DAB1: variants seen among roughly 807,000 people sequenced by gnomAD.
DAB1 encodes DAB adaptor protein 1, also known as disabled homolog 1.
DAB1 carries 15 observed loss-of-function variants against 64.6 expected under a neutral mutation model. The observed-to-expected ratio is 0.23, with a 90% CI of 0.16 to 0.36. The LOEUF is 0.36. DAB1 is among the 10% of genes least tolerant of loss of function. The pLI, the probability that DAB1 is intolerant of heterozygous loss-of-function variation, is 1.00. For synonymous variants in DAB1, 235 were observed against 251.9 expected, an observed-to-expected ratio of 0.93 and a Z score of 0.64; for missense variants, 596 against 706.7, an observed-to-expected ratio of 0.84 and a Z score of 1.78.
intron 2 of DAB1, among the ~76,000 whole-genome samples, chr1:57,154,751 T>C (rs1386839351): frequency 3.9e-5 from 6 of 152,238 alleles, no homozygotes; most frequent in African/African-American, 1.4e-4. Flanking sequence ...TGGGGCGAGA[T>C]GATATCTCAT....
intron 7 of DAB1, among the ~76,000 whole-genome samples, chr1:57,638,333 T>G (rs929759915): frequency 3.9e-5 from 6 of 152,012 alleles, no homozygotes; most frequent in Non-Finnish European, 8.8e-5. Flanking sequence ...TAAAAATCAG[T>G]GTTTATATAT....
chr1:58,023,771 A>G (rs1998739), intron 5 of DAB1, among the ~76,000 whole-genome samples: 28,963 of 152,214 alleles, frequency 0.19, 3,017 homozygotes, highest in East Asian at 0.43. Flanking sequence ...ACCATATCAA[A>G]CACATAAATT....
At chr1:58,053,696 A>C (rs1481661171) in intron 5 of DAB1, among the ~76,000 whole-genome samples, 1 of 152,244 alleles carries the variant, frequency 6.6e-6, no homozygotes. Flanking sequence ...TAAAGATAAT[A>C]TATGAAAGTA....
At chr1:57,888,917 C>G (rs1241718222), upstream of DAB1, among the ~76,000 whole-genome samples, 1 of 152,188 alleles carries the variant, frequency 6.6e-6, no homozygotes. Flanking sequence ...ACTCACTCCT[C>G]TGTGGGTAGC....
intron 7 of DAB1, among the ~76,000 whole-genome samples, chr1:57,514,240 T>C (rs938930593): frequency 6.6e-6 from 1 of 152,200 alleles, no homozygotes; most frequent in Admixed American, 6.5e-5. Flanking sequence ...GTTCAATTTG[T>C]AATCTTTTAA....
At chr1:58,153,410 CTTTCT>C (rs1352181321) in intron 4 of DAB1, among the ~76,000 whole-genome samples, 1 of 152,180 alleles carries the variant, frequency 6.6e-6, no homozygotes, top group East Asian at 1.9e-4. Context: ...CTGTTGTTTT[CTTTCT>C]TTTAAGAATT....
At chr1:57,602,649 C>G (rs1176729594) in intron 7 of DAB1, among the ~76,000 whole-genome samples, 2 of 152,146 alleles carry the variant, frequency 1.3e-5, no homozygotes, top group African/African-American at 4.8e-5. Context: ...GCTGCAGGAC[C>G]AGGCTTATAG....
chr1:58,337,780 G>A (rs1489953064), intron 4 of DAB1, among the ~76,000 whole-genome samples: 2 of 152,144 alleles, frequency 1.3e-5, no homozygotes, highest in Non-Finnish European at 2.9e-5. Flanking sequence ...GGAGAAAGGG[G>A]CATATTAACC....
At chr1:58,106,407 C>T (rs1442065490) in intron 5 of DAB1, among the ~76,000 whole-genome samples, 1 of 152,220 alleles carries the variant, frequency 6.6e-6, no homozygotes, top group Non-Finnish European at 1.5e-5. Context: ...TGGTCTTGAA[C>T]TCTTGGGCTC....
intron 6 of DAB1, among the ~76,000 whole-genome samples, chr1:57,767,473 G>GTTCTGTCTC (rs1369732502): frequency 6.6e-6 from 1 of 152,158 alleles, no homozygotes; most frequent in Admixed American, 6.5e-5. Flanking sequence ...TAATATAGCA[G>GTTCTGTCTC]TTCTGTCTCT....
In DAB1 at chr1:58,483,392, T is replaced by C. The variant is rs369228447; in HGVS notation, n.257+22668A>G. ...GACTTGTAGTCAGATGCGAGCCAGA[T>C]AGACGTTCTCTAAGTGAATGGGGTC... On this transcript the variant is annotated intron_variant and non_coding_transcript_variant, in intron 3 of 20. Transcript: ENST00000485760. Among the ~76,000 whole-genome samples the C allele has an allele frequency of 1.8e-3, 278 of 152,292 alleles. 6 individuals are homozygous for C. The South Asian group carries it at 0.052, about 29-fold the overall frequency.
chr1:57,339,322 A>T (rs1033952599), intron 1 of DAB1, among the ~76,000 whole-genome samples: 4 of 151,786 alleles, frequency 2.6e-5, no homozygotes, highest in African/African-American at 7.3e-5. Flanking sequence ...AGCCCAGCTA[A>T]TTTTTTTGTA....
chr1:57,266,152 T>C (rs1297017867), intron 2 of DAB1, among the ~76,000 whole-genome samples: 3 of 152,170 alleles, frequency 2.0e-5, no homozygotes, highest in Non-Finnish European at 4.4e-5. Context: ...CACAAGGCTA[T>C]CAGAAAAAGG....
At chr1:56,999,871 G>A (rs571536262) in intron 14 of DAB1, among the ~76,000 whole-genome samples, 5 of 152,200 alleles carry the variant, frequency 3.3e-5, no homozygotes, top group Admixed American at 1.3e-4. Context: ...ATTATGCAGT[G>A]TAACAAAGTG....
intron 7 of DAB1, among the ~76,000 whole-genome samples, chr1:57,536,924 C>T (rs541047701): frequency 1.3e-5 from 2 of 152,270 alleles, no homozygotes; most frequent in East Asian, 3.9e-4. Flanking sequence ...GCACCAGATG[C>T]TGGGGATGCA....
chr1:57,259,604 G>A (rs1382780703), intron 2 of DAB1, among the ~76,000 whole-genome samples: 1 of 152,200 alleles, frequency 6.6e-6, no homozygotes, highest in Non-Finnish European at 1.5e-5. Flanking sequence ...AGGCAAGGCA[G>A]AGCAACGTGA....
At chr1:57,777,901 C>T (rs1355662696) in intron 6 of DAB1, among the ~76,000 whole-genome samples, 20 of 151,988 alleles carry the variant, frequency 1.3e-4, no homozygotes, top group Admixed American at 1.3e-3. Flanking sequence ...TTCCTTTATA[C>T]AGTGTTGAAG....
chr1:57,802,066 C>T (rs575863313), intron 6 of DAB1, among the ~76,000 whole-genome samples: 2 of 152,304 alleles, frequency 1.3e-5, no homozygotes, highest in South Asian at 2.1e-4. Flanking sequence ...CCTTTGAACA[C>T]ACTGGGGAGA....
intron 4 of DAB1, among the ~76,000 whole-genome samples, chr1:58,325,185 G>A (rs1413090702): frequency 6.6e-6 from 1 of 152,204 alleles, no homozygotes; most frequent in Non-Finnish European, 1.5e-5. Flanking sequence ...TGATTCACAG[G>A]AGACAGGAGA....
Sources: gnomAD v4.1 joint callset for allele counts (sites outside exome capture counted in the v4.1 genomes callset) on GRCh38, gnomAD v4.1.1 for gene constraint, MANE v1.5 for transcripts, NCBI Gene and HGNC (gene_info 2026-07-23, HGNC 2026-07-21) for gene names.